WWOX: variants seen among roughly 807,000 people sequenced by gnomAD.
The protein encoded by WWOX is WW domain containing oxidoreductase.
WWOX carries 69 observed loss-of-function variants against 46.2 expected under a neutral mutation model. The observed-to-expected ratio is 1.49, with a 90% CI of 1.23 to 1.82. The LOEUF (loss-of-function observed/expected upper bound fraction) is 1.82. WWOX is among the 40% of genes most tolerant of loss of function. The pLI, the probability that WWOX is intolerant of heterozygous loss-of-function variation, is 0.00. For missense variants in WWOX, 919 were observed against 542.6 expected, an observed-to-expected ratio of 1.69 and a Z score of -6.89; for synonymous variants, 359 against 202.6, an observed-to-expected ratio of 1.77 and a Z score of -6.56.
At chr16:78,719,939 C>A (rs563325161) in intron 8 of WWOX, among the ~76,000 whole-genome samples, 2 of 152,180 alleles carry the variant, frequency 1.3e-5, no homozygotes, top group Admixed American at 1.3e-4. Flanking sequence ...ACGTTTTCAC[C>A]AAAGTGTTCT....
intron 8 of WWOX, among the ~76,000 whole-genome samples, chr16:78,704,273 G>A (rs985821066): frequency 5.3e-5 from 8 of 152,006 alleles, no homozygotes; most frequent in Admixed American, 1.3e-4. Flanking sequence ...ATCCCATAGC[G>A]GGTATCTCCA....
intron 6 of WWOX, among the ~76,000 whole-genome samples, chr16:78,410,971 C>T (rs185723790): frequency 6.6e-5 from 10 of 152,220 alleles, no homozygotes; most frequent in Admixed American, 3.3e-4. Flanking sequence ...AACCTCAGTT[C>T]CCTGCCATGT....
intron 5 of WWOX, among the ~76,000 whole-genome samples, chr16:78,177,734 A>G (rs1206817176): frequency 1.3e-5 from 2 of 152,168 alleles, no homozygotes; most frequent in Non-Finnish European, 2.9e-5. Flanking sequence ...TGGTGGTGAT[A>G]CAGTCCATAC....
At chr16:79,062,548 C>G (rs1211611487) in intron 8 of WWOX, among the ~76,000 whole-genome samples, 1 of 152,070 alleles carries the variant, frequency 6.6e-6, no homozygotes, top group Non-Finnish European at 1.5e-5. Flanking sequence ...CTTCACCAAG[C>G]ACTTAGGAAT....
At chr16:78,313,097 T>TAAAG (rs2080281028) in intron 5 of WWOX, among the ~76,000 whole-genome samples, 1 of 152,178 alleles carries the variant, frequency 6.6e-6, no homozygotes, top group African/African-American at 2.4e-5. Flanking sequence ...CTATAACATC[T>TAAAG]AAAGAATAAC....
At chr16:78,373,354 G>A (rs2081740299) in intron 5 of WWOX, among the ~76,000 whole-genome samples, 1 of 152,184 alleles carries the variant, frequency 6.6e-6, no homozygotes, top group African/African-American at 2.4e-5. Flanking sequence ...TTTAGTGGCT[G>A]TATTGTCCCC....
intron 7 of WWOX, among the ~76,000 whole-genome samples, chr16:78,432,082 T>A (rs1018595050): frequency 6.6e-6 from 1 of 151,958 alleles, no homozygotes; most frequent in Admixed American, 6.5e-5. Context: ...GTATGTAAGA[T>A]TGAGTTTTTA....
rs1262154128 is a variant in WWOX, at chr16:78,422,661, A to ATG, written c.606-2207_606-2206dup. Among the ~76,000 whole-genome samples, 147 of 58,548 alleles carry ATG rather than the reference A, an allele frequency of 2.5e-3. 4 individuals are homozygous for ATG. The highest frequency in any genetic ancestry group is 6.8e-3 in the Middle Eastern group (1 of 148). 38.4% of individuals were successfully genotyped at this position (58,548 alleles called of 152,430 possible). A position where few individuals can be genotyped will look rare whatever the true frequency, so the allele number is the denominator to read the frequency against. On this transcript the variant is annotated intron_variant, in intron 6 of 8. Transcript: ENST00000566780. Reference sequence around the variant, plus strand: ...GTGCCCAGCCTCCTGTTTTTTTTACATGTATATATATATATATATATATAC... The same window carrying ATG: ...GTGCCCAGCCTCCTGTTTTTTTTACATGTGTATATATATATATATATATATAC...
At chr16:78,881,689 G>C (rs1365938519) in intron 8 of WWOX, among the ~76,000 whole-genome samples, 1 of 152,172 alleles carries the variant, frequency 6.6e-6, no homozygotes, top group Non-Finnish European at 1.5e-5. Context: ...GTACATGATA[G>C]GTTGGCTCAC....
intron 5 of WWOX, among the ~76,000 whole-genome samples, chr16:78,361,476 T>C (rs2081408665): frequency 6.6e-6 from 1 of 152,220 alleles, no homozygotes. Context: ...TGACTTTCTA[T>C]TGTTGGATCT....
At chr16:78,511,577 A>C (rs2085361959) in intron 8 of WWOX, among the ~76,000 whole-genome samples, 1 of 152,170 alleles carries the variant, frequency 6.6e-6, no homozygotes, top group Non-Finnish European at 1.5e-5. Flanking sequence ...CCTCACTTAC[A>C]TCTCCCAATA....
intron 8 of WWOX, among the ~76,000 whole-genome samples, chr16:79,022,091 C>T (rs935743147): frequency 2.6e-5 from 4 of 152,208 alleles, no homozygotes; most frequent in African/African-American, 7.2e-5. Flanking sequence ...ACCCTCTGGG[C>T]AGAGGAAACC....
chr16:78,869,204 G>C (rs2737286), intron 8 of WWOX, among the ~76,000 whole-genome samples: 1 of 151,930 alleles, frequency 6.6e-6, no homozygotes, highest in South Asian at 2.1e-4. Flanking sequence ...TGTGGACTCT[G>C]TGGTGGGTGG....
intron 8 of WWOX, among the ~76,000 whole-genome samples, chr16:78,949,078 C>G (rs1287636418): frequency 2.0e-5 from 3 of 152,108 alleles, no homozygotes; most frequent in African/African-American, 4.8e-5. Flanking sequence ...GACCTTCCAC[C>G]TACAATAGCA....
At chr16:79,021,213 A>C (rs771905993) in intron 8 of WWOX, among the ~76,000 whole-genome samples, 1 of 152,190 alleles carries the variant, frequency 6.6e-6, no homozygotes, top group Non-Finnish European at 1.5e-5. Flanking sequence ...GCAGTAAAAT[A>C]GTTTTTCAGT....
At chr16:79,132,092 C>G (rs565723855) in intron 8 of WWOX, among the ~76,000 whole-genome samples, 22 of 151,472 alleles carry the variant, frequency 1.5e-4, no homozygotes, top group Admixed American at 5.3e-4. Context: ...GACACAGAGT[C>G]AAACCGTATC....
chr16:78,230,401 G>T (rs1032311222), intron 5 of WWOX, among the ~76,000 whole-genome samples: 21 of 152,220 alleles, frequency 1.4e-4, no homozygotes, highest in African/African-American at 4.8e-4. Flanking sequence ...GCATTTGACT[G>T]TTGCATCCTT....
In WWOX at chr16:78,314,696, T is replaced by G. The variant is rs550202602; in HGVS notation, c.517-72164T>G. Among the ~76,000 whole-genome samples, 29 of 67,052 alleles carry G rather than the reference T, an allele frequency of 4.3e-4. 1 individual carries two copies. In the South Asian group the frequency reaches 6.7e-3, roughly 15 times the overall value. The allele number at this position is 67,052 out of a possible 152,430, so 44.0% of individuals were successfully genotyped here. On this transcript the variant is annotated intron_variant, in intron 5 of 8. Transcript: ENST00000566780. ...CACCCCACCCTGCAGGGGTTTTTTT[T>G]TTTTGTTTTTTTTTTTTTTTTTTTT...
chr16:78,933,313 C>T (rs988807605), intron 8 of WWOX, among the ~76,000 whole-genome samples: 1 of 152,164 alleles, frequency 6.6e-6, no homozygotes, highest in African/African-American at 2.4e-5. Flanking sequence ...GTGTCACATG[C>T]ATGTAGTCCC....
Sources: allele counts gnomAD v4.1 joint callset (sites outside exome capture counted in the v4.1 genomes callset), GRCh38; gene constraint gnomAD v4.1.1; transcripts MANE v1.5; gene names NCBI Gene and HGNC (gene_info 2026-07-23, HGNC 2026-07-21).